PPP2R5A: variants seen among roughly 807,000 people sequenced by gnomAD.
PPP2R5A encodes serine/threonine-protein phosphatase 2A 56 kDa regulatory subunit alpha isoform.
A neutral mutation model predicts 64.2 loss-of-function variants in PPP2R5A; 25 were observed. The observed-to-expected ratio is 0.39, with a 90% CI of 0.28 to 0.54. The LOEUF (loss-of-function observed/expected upper bound fraction) is 0.54, where lower values mean the gene tolerates loss of function less well. Among genes scored for constraint, PPP2R5A ranks in the 20% least tolerant of loss-of-function variants. PPP2R5A has a pLI of 0.67. For synonymous variants in PPP2R5A, 198 were observed against 201.2 expected (o/e 0.98, Z 0.13); for missense variants, 425 against 576.3 (o/e 0.74, Z 2.69).
chr1:212,337,731 GA>G (rs2102437946), intron 3 of PPP2R5A, among the ~76,000 whole-genome samples: 2 of 152,114 alleles, frequency 1.3e-5, no homozygotes, highest in Non-Finnish European at 2.9e-5. Context: ...AGAGCAGAGG[GA>G]AAAAACCTAG....
intron 1 of PPP2R5A, among the ~76,000 whole-genome samples, chr1:212,324,623 A>G (rs1456307424): frequency 6.8e-6 from 1 of 147,868 alleles, no homozygotes; most frequent in East Asian, 2.0e-4. Flanking sequence ...TTTTTTTGAG[A>G]CAGAGTCTTC....
intron 1 of PPP2R5A, among the ~76,000 whole-genome samples, chr1:212,327,572 G>A (rs1262944145): frequency 1.3e-5 from 2 of 151,632 alleles, no homozygotes; most frequent in East Asian, 3.9e-4. Context: ...CCGCCACCAC[G>A]TTTGGCTAAT....
At chr1:212,341,097 T>C (rs1343976106) in intron 3 of PPP2R5A, among the ~76,000 whole-genome samples, 2 of 152,154 alleles carry the variant, frequency 1.3e-5, no homozygotes, top group Non-Finnish European at 2.9e-5. Flanking sequence ...CCTATTAGGT[T>C]ACAATAAAAA....
At chr1:212,299,057 C>A (rs1195999937) in intron 1 of PPP2R5A, among the ~76,000 whole-genome samples, 1 of 25,554 alleles carries the variant, frequency 3.9e-5, no homozygotes, top group Non-Finnish European at 7.2e-5. Context: ...ACCCCCCCCC[C>A]CCGCCTCCCT....
chr1:212,321,665 G>A (rs1659297433), intron 1 of PPP2R5A, among the ~76,000 whole-genome samples: 1 of 135,056 alleles, frequency 7.4e-6, no homozygotes, highest in Admixed American at 6.9e-5. Flanking sequence ...CTTCCTAGAT[G>A]GGATGGCGGC....
intron 12 of PPP2R5A, among the ~76,000 whole-genome samples, chr1:212,360,257 T>G (rs962996874): frequency 5.9e-5 from 9 of 152,182 alleles, no homozygotes; most frequent in African/African-American, 2.2e-4. Context: ...GTGAAGGAAG[T>G]GCTTCCTACT....
intron 1 of PPP2R5A, among the ~76,000 whole-genome samples, chr1:212,289,174 C>A (rs1184580835): frequency 6.6e-6 from 1 of 152,142 alleles, no homozygotes; most frequent in Non-Finnish European, 1.5e-5. Flanking sequence ...AACATTTTAG[C>A]ATTTTAAAAT....
chr1:212,341,767 C>G lies in PPP2R5A; in HGVS notation c.481-421C>G, dbSNP rs1235187382. On this transcript the variant is annotated intron_variant, in intron 3 of 12. Transcript: ENST00000261461. ...TATTTATTTTTCAGACAGAGTCTCA[C>G]TCTGTTGCCCAGGCTGGAGTGCAGT... Among the ~76,000 whole-genome samples the G allele has an allele frequency of 3.9e-5, 6 of 152,236 alleles. No homozygotes were observed. The East Asian group carries it at 1.2e-3, about 29-fold the overall frequency.
intron 12 of PPP2R5A, 44 bp from the exon 13 acceptor site, chr1:212,360,594 T>C (rs767973204): frequency 8.2e-6 from 12 of 1,468,482 alleles, no homozygotes; most frequent in Non-Finnish European, 1.0e-5. Flanking sequence ...TCTCTTTGGG[T>C]TCTGAAATAA....
chr1:212,360,661 G>A lies in PPP2R5A; in HGVS notation c.1352G>A (p.Arg451His). The change falls in exon 13 of 13, where the codon CGT (arginine) becomes CAT (histidine). Residue 451 changes from arginine to histidine, a missense_variant. Arg to His is a conservative substitution (Grantham distance 29). Around this residue, in one of 4 missense-constraint regions of PPP2R5A, gnomAD observed 177 missense variants for 244.8 expected, o/e 0.72. Coordinates refer to ENST00000261461, the MANE Select transcript of PPP2R5A (RefSeq NM_006243.4). Reference sequence around the variant, plus strand: ...AGAGAGAAAAAGAAGGAATTGGAACGTGAAGAATTATGGAAAAAATTAGAG... The same window carrying A: ...AGAGAGAAAAAGAAGGAATTGGAACATGAAGAATTATGGAAAAAATTAGAG... The part of the protein sequence containing the change: ...RQREKKKELE[R>H]EELWKKLEEL... The A allele has an allele frequency of 4.4e-6, 7 of 1,574,856 alleles. No individual in the cohort carries two copies. The highest frequency in any genetic ancestry group is 1.8e-4 in the Middle Eastern group (1 of 5,666).
intron 4 of PPP2R5A, 72 bp downstream of exon 4, chr1:212,342,352 A>G (rs776597036): frequency 2.3e-5 from 35 of 1,518,934 alleles, no homozygotes; most frequent in Non-Finnish European, 2.9e-5. Context: ...TTATTAAAAT[A>G]GTGTAGTCTT....
rs747560993 is a variant in PPP2R5A at position 212,342,222 on chromosome 1, G to A, written c.515G>A (p.Ser172Asn). ...GAATTCTTCTTGAGATTTTTGGAGA[G>A]CCCTGATTTCCAGCCTAGCATTGCA... ...VYEFFLRFLESPDFQPSIAKR... is the reference protein window; with the variant it reads ...VYEFFLRFLENPDFQPSIAKR... The change falls in exon 4 of 13, where the codon AGC (serine) becomes AAC (asparagine). Residue 172 changes from serine (S) to asparagine (N), a missense_variant. Ser to Asn is a conservative substitution (Grantham distance 46). This residue lies in a region of PPP2R5A where 140 missense variants were observed against 204.4 expected (regional missense o/e 0.68). Coordinates refer to ENST00000261461, the MANE Select transcript of PPP2R5A (RefSeq NM_006243.4). 2.5e-6 allele frequency: 4 copies of A among 1,613,546 alleles called. No individual in the cohort carries two copies. The highest frequency in any genetic ancestry group is 2.7e-5 in the African/African-American group (2 of 74,972).
rs1385761085 is a variant in PPP2R5A, at chr1:212,349,253, T to C, written c.927+11T>C. The C allele has an allele frequency of 6.4e-7, 1 of 1,553,094 alleles. No homozygotes were observed. The highest frequency in any genetic ancestry group is 1.8e-5 in the Admixed American group (1 of 55,622). ...ACACTAACAGAGCCAGTAAGTGTTC[T>C]ATTTATTTTCATGTTTTTGGTCTGC... On this transcript the variant is annotated intron_variant, in intron 8 of 12. Transcript: ENST00000261461.
At chr1:212,340,601 TAGA>T (rs1659670815) in intron 3 of PPP2R5A, among the ~76,000 whole-genome samples, 1 of 152,238 alleles carries the variant, frequency 6.6e-6, no homozygotes, top group Non-Finnish European at 1.5e-5. Context: ...GTTGTTTGAT[TAGA>T]AAATTATCTA....
At chr1:212,331,831 ATATTT>A (rs1223124975) in intron 2 of PPP2R5A, 1 of 152,122 alleles carries the variant, frequency 6.6e-6, no homozygotes, top group Non-Finnish European at 1.5e-5. Flanking sequence ...GCTTTCTTAA[ATATTT>A]TATTTTGATT....
At chr1:212,346,438 T>A (rs1026731497) in intron 5 of PPP2R5A, among the ~76,000 whole-genome samples, 3 of 152,090 alleles carry the variant, frequency 2.0e-5, no homozygotes, top group Middle Eastern at 3.4e-3. Flanking sequence ...CCAAAGTCCC[T>A]TATATAAAAT....
intron 1 of PPP2R5A, chr1:212,319,231 C>T (rs532270649): frequency 6.6e-6 from 1 of 152,318 alleles, no homozygotes; most frequent in South Asian, 2.1e-4. Context: ...CCAAAAGGTA[C>T]CTTGTCAGCC....
chr1:212,336,647 A>G (rs761098158), intron 3 of PPP2R5A, among the ~76,000 whole-genome samples: 8 of 152,232 alleles, frequency 5.3e-5, no homozygotes, highest in African/African-American at 9.6e-5. Context: ...GACCTGATTT[A>G]TAGGATTTGT....
intron 11 of PPP2R5A, chr1:212,358,436 T>G (rs1660022760): frequency 4.0e-6 from 1 of 249,794 alleles, no homozygotes; most frequent in Admixed American, 5.5e-5. Context: ...ATAACTATAG[T>G]GAACATTTTT....
Sources: gnomAD v4.1 joint callset for allele counts (sites outside exome capture counted in the v4.1 genomes callset) on GRCh38, gnomAD v4.1.1 for gene constraint, gnomAD v4.1.1 regional missense constraint, MANE v1.5 for transcripts, NCBI Gene and HGNC (gene_info 2026-07-23, HGNC 2026-07-21) for gene names.